Variants in PCDHA2 observed in about 807,000 individuals in gnomAD.
PCDHA2 encodes the protein protocadherin alpha 2.
In PCDHA2, 58 loss-of-function variants were observed where a neutral mutation model predicts 66.0. The observed-to-expected ratio is 0.88, with a 90% CI of 0.71 to 1.09. The LOEUF is 1.09. PCDHA2 is among the 50% of genes least tolerant of loss of function. The probability of loss-of-function intolerance (pLI) is 0.00; values close to 1 mark genes in which losing one functional copy is unlikely to be tolerated. For synonymous variants in PCDHA2, 634 were observed against 554.0 expected (o/e 1.14, Z -2.03); for missense variants, 1,267 against 1,242.3 (o/e 1.02, Z -0.30).
intron 1 of PCDHA2, chr5:140,857,828 C>G (rs781917564): frequency 6.3e-7 from 1 of 1,597,660 alleles, no homozygotes; most frequent in South Asian, 1.1e-5. Flanking sequence ...GGCTAAGGTG[C>G]GCGCAGTGGA....
At chr5:140,893,666 C>T (rs2064116335) in intron 1 of PCDHA2, among the ~76,000 whole-genome samples, 1 of 152,160 alleles carries the variant, frequency 6.6e-6, no homozygotes, top group African/African-American at 2.4e-5. Flanking sequence ...TAAAAAATTT[C>T]AGCACTTTGG....
At chr5:140,921,621 A>G (rs1274986378) in intron 1 of PCDHA2, among the ~76,000 whole-genome samples, 1 of 152,222 alleles carries the variant, frequency 6.6e-6, no homozygotes, top group African/African-American at 2.4e-5. Context: ...ATATCATCAG[A>G]TCATCATTAT....
At chr5:140,938,205 C>T (rs1435832298) in intron 1 of PCDHA2, among the ~76,000 whole-genome samples, 3 of 152,160 alleles carry the variant, frequency 2.0e-5, no homozygotes, top group Non-Finnish European at 4.4e-5. Context: ...GCCAGCCTCC[C>T]AAAGTGCTGG....
At chr5:140,983,885 T>C (rs74936593) in intron 3 of PCDHA2, among the ~76,000 whole-genome samples, 2,965 of 152,290 alleles carry the variant, frequency 0.019, 72 homozygotes, top group African/African-American at 0.056. Flanking sequence ...ACTGGCAACT[T>C]TAAGGGCATT....
At chr5:140,799,530 C>T (rs1762441672) in intron 1 of PCDHA2, among the ~76,000 whole-genome samples, 1 of 151,980 alleles carries the variant, frequency 6.6e-6, no homozygotes, top group Admixed American at 6.6e-5. Flanking sequence ...CTTACTTCTT[C>T]ATAATATAGC....
At chr5:140,923,966 C>T (rs1422839186) in intron 1 of PCDHA2, among the ~76,000 whole-genome samples, 3 of 152,188 alleles carry the variant, frequency 2.0e-5, no homozygotes, top group Non-Finnish European at 4.4e-5. Flanking sequence ...AATCTATACC[C>T]ACACATACTA....
intron 1 of PCDHA2, chr5:140,877,281 T>TA (rs782748230): frequency 8.7e-6 from 14 of 1,613,708 alleles, no homozygotes; most frequent in Non-Finnish European, 1.2e-5. Context: ...ACTCCGGCTA[T>TA]AACGCTTGGC....
In PCDHA2 at chr5:140,842,902, G is replaced by A. The variant is rs2150347537; in HGVS notation, c.2388+45550G>A. The A allele has an allele frequency of 2.1e-5, 34 of 1,594,288 alleles. 5 individuals carry two copies. Among genetic ancestry groups the A allele is most frequent in the African/African-American group, 2.7e-5 (2 of 74,330 alleles). On this transcript the variant is annotated intron_variant, in intron 1 of 3. Coordinates refer to ENST00000526136, the MANE Select transcript of PCDHA2 (RefSeq NM_018905.3). ...CGCTGCAGCCGCTGGACCACGAGGA[G>A]CTAGAGCTGCTGCAGTTCCAGGTGA...
intron 3 of PCDHA2, among the ~76,000 whole-genome samples, chr5:140,998,830 C>G (rs1385890461): frequency 6.6e-6 from 1 of 152,200 alleles, no homozygotes; most frequent in African/African-American, 2.4e-5. Flanking sequence ...TCCCAAAGTG[C>G]TGGATTACTG....
chr5:140,987,155 A>G (rs2097233368), intron 3 of PCDHA2, among the ~76,000 whole-genome samples: 1 of 151,902 alleles, frequency 6.6e-6, no homozygotes, highest in South Asian at 2.1e-4. Context: ...TGGAGGTTGC[A>G]GTGAGCTGAG....
At position 140,969,285 on chromosome 5, in the gene PCDHA2, C is replaced by T. The variant is rs782734189; in HGVS notation, c.2389-9664C>T. The stretch of plus-strand genomic sequence containing the variant: ...CTCACAGGCCAAAGTGGTCAGAATG[C>T]TGGGAACCTGATTATTCTCAAAAAT... On this transcript the variant is annotated intron_variant, in intron 1 of 3. Coordinates refer to ENST00000526136, the MANE Select transcript of PCDHA2 (RefSeq NM_018905.3). 51 of 1,614,062 alleles carry T rather than the reference C, an allele frequency of 3.2e-5. No individual in the cohort carries two copies. The highest frequency in any genetic ancestry group is 4.3e-5 in the Non-Finnish European group (51 of 1,180,038).
At chr5:140,966,490 T>G (rs533525977) in intron 1 of PCDHA2, 2 of 437,964 alleles carry the variant, frequency 4.6e-6, no homozygotes, top group Non-Finnish European at 7.9e-6. Flanking sequence ...TCCCTCCCCC[T>G]GGAGCTGTAG....
chr5:140,926,835 T>C (rs2083586569), intron 1 of PCDHA2: 4 of 1,505,630 alleles, frequency 2.7e-6, no homozygotes, highest in East Asian at 2.3e-5. Context: ...GTCCGGAGCA[T>C]GGTCCTGGGT....
chr5:140,843,381 T>G lies in PCDHA2; in HGVS notation c.2388+46029T>G, dbSNP rs2150358739. The G allele has an allele frequency of 6.3e-6, 10 of 1,595,976 alleles. 2 individuals carry two copies. The African/African-American group carries it at 1.2e-4, about 19-fold the overall frequency. On this transcript the variant is annotated intron_variant, in intron 1 of 3. Coordinates refer to ENST00000526136, the MANE Select transcript of PCDHA2 (RefSeq NM_018905.3). ...TCATCGAGGCAGTCGGCTGGCGTTT[T>G]GGGTCCGGAAGCGGCGCTGGTGGAT...
At chr5:140,970,953 G>A (rs975435719) in intron 1 of PCDHA2, among the ~76,000 whole-genome samples, 16 of 152,110 alleles carry the variant, frequency 1.1e-4, no homozygotes, top group South Asian at 4.1e-4. Flanking sequence ...AGAAACCATG[G>A]GAGGCAGATT....
intron 1 of PCDHA2, chr5:140,864,749 C>T (rs544244056): frequency 6.6e-6 from 1 of 152,178 alleles, no homozygotes; most frequent in East Asian, 1.9e-4. Context: ...ACCGATTATA[C>T]TCATTTTTCT....
chr5:140,856,904 C>A, intron 1 of PCDHA2: 2 of 1,596,242 alleles, frequency 1.3e-6, no homozygotes, highest in Non-Finnish European at 1.7e-6. Context: ...TTTGGTCCCA[C>A]CCACGATAAG....
rs373922357 is a variant in PCDHA2, at chr5:140,927,079, G to A, written c.2389-51870G>A. ...CTTTCGCTTCCTTTCCAGCCACCGC[G>A]AGCTCTACTTCGGGGTGGATCTACC... On this transcript the variant is annotated intron_variant, in intron 1 of 3. Transcript: ENST00000526136. 2.5e-6 allele frequency: 4 copies of A among 1,610,988 alleles called. No homozygotes were observed. The highest frequency in any genetic ancestry group is 2.5e-6 in the Non-Finnish European group (3 of 1,177,702).
intron 1 of PCDHA2, among the ~76,000 whole-genome samples, chr5:140,934,446 A>G (rs527371307): frequency 2.0e-5 from 3 of 152,188 alleles, no homozygotes; most frequent in Non-Finnish European, 4.4e-5. Context: ...ATAGTGAAAA[A>G]TGCAAATAAT....
Sources: allele counts gnomAD v4.1 joint callset (sites outside exome capture counted in the v4.1 genomes callset), GRCh38; gene constraint gnomAD v4.1.1; transcripts MANE v1.5; gene names NCBI Gene and HGNC (gene_info 2026-07-23, HGNC 2026-07-21).